Variants in HYAL4 observed in about 807,000 individuals in gnomAD.
HYAL4 encodes the protein hyaluronidase 4, also known as hyaluronidase-4.
A neutral mutation model predicts 35.2 loss-of-function variants in HYAL4; 37 were observed. The ratio of observed to expected loss-of-function variants is 1.05; its 90% CI spans 0.81 to 1.38. HYAL4 has a LOEUF of 1.38. HYAL4 is among the 40% of genes most tolerant of loss of function. The probability of loss-of-function intolerance (pLI) is 0.00; values close to 1 mark genes in which losing one functional copy is unlikely to be tolerated. For missense variants in HYAL4, 572 were observed against 572.4 expected (o/e 1.00, Z 0.01); for synonymous variants, 198 against 203.2 (o/e 0.97, Z 0.22).
At chr7:123,831,141 T>C (rs141230882) in intron 1 of HYAL4, among the ~76,000 whole-genome samples, 203 of 152,328 alleles carry the variant, frequency 1.3e-3, no homozygotes, top group Non-Finnish European at 2.3e-3. Flanking sequence ...AGTGGCATTG[T>C]TGTGGTACTG....
At chr7:123,793,282 C>T in the HYAL4 span, among the ~76,000 whole-genome samples, 1 of 152,146 alleles carries the variant, frequency 6.6e-6, no homozygotes, top group African/African-American at 2.4e-5. Context: ...GCCTTCTTTG[C>T]TTAAGAACAA....
the HYAL4 span, among the ~76,000 whole-genome samples, chr7:123,806,580 A>G: frequency 4.6e-5 from 7 of 151,298 alleles, no homozygotes; most frequent in Non-Finnish European, 8.8e-5. Context: ...AGTAGCTGGG[A>G]TTACAAGCAT....
Position 123,869,844 on chromosome 7 carries a change from C to G in HYAL4, c.954+617C>G, listed in dbSNP as rs550476883. Among the ~76,000 whole-genome samples, 94 of 148,482 alleles carry G rather than the reference C, an allele frequency of 6.3e-4. 1 individual carries two copies. The highest frequency in any genetic ancestry group is 2.0e-3 in the African/African-American group (82 of 40,600). On this transcript the variant is annotated intron_variant, in intron 3 of 4. Coordinates refer to ENST00000223026, the MANE Select transcript of HYAL4 (RefSeq NM_012269.3). Reference sequence around the variant, plus strand: ...CTGGGTTTACAGGTGCTCACCCCCCCCCACCCAGCTAATTTTTGTACTTTT... The same window carrying G: ...CTGGGTTTACAGGTGCTCACCCCCCGCCACCCAGCTAATTTTTGTACTTTT...
the HYAL4 span, among the ~76,000 whole-genome samples, chr7:123,811,581 T>G: frequency 6.6e-6 from 1 of 152,252 alleles, no homozygotes; most frequent in Non-Finnish European, 1.5e-5. Flanking sequence ...TAGATAACAC[T>G]TCTTTGTTAG....
chr7:123,837,683 C>T (rs891347332), intron 1 of HYAL4, among the ~76,000 whole-genome samples: 3 of 128,132 alleles, frequency 2.3e-5, no homozygotes, highest in East Asian at 2.9e-4. Context: ...CCCCTCCCCC[C>T]ACCCCACAAC....
rs1406560203 is a variant in HYAL4 at position 123,869,226 on chromosome 7, AG to A, written c.954+1del. The A allele has an allele frequency of 1.9e-6, 3 of 1,577,662 alleles. No homozygotes were observed. In the African/African-American group the frequency reaches 4.1e-5, roughly 21 times the overall value. ...GATGAACCTTTATTTTTCCTTTCTA[AG>A]GTAAGAAGCTTCTTGTCCAATGGTG... ...YRDEPLFFLSKQDLVSTIGES... is the reference protein window; with the variant it reads ...YRDEPLFFLSXQDLVSTIGES... On this transcript the variant is annotated frameshift_variant and splice_region_variant, in exon 3 of 5. Coordinates refer to ENST00000223026, the MANE Select transcript of HYAL4 (RefSeq NM_012269.3). LOFTEE classifies it high-confidence loss of function.
the HYAL4 span, among the ~76,000 whole-genome samples, chr7:123,800,467 C>A: frequency 7.0e-6 from 1 of 143,486 alleles, no homozygotes; most frequent in East Asian, 2.0e-4. Context: ...CCGTGCCCGG[C>A]CTGAAAATTA....
intron 2 of HYAL4, among the ~76,000 whole-genome samples, chr7:123,853,782 G>A (rs968636184): frequency 4.6e-5 from 7 of 152,158 alleles, no homozygotes; most frequent in African/African-American, 1.4e-4. Flanking sequence ...CTATGGTTTG[G>A]AATAATTTCT....
chr7:123,825,342 A>G (rs1476914283), upstream of HYAL4, among the ~76,000 whole-genome samples: 3 of 152,128 alleles, frequency 2.0e-5, no homozygotes, highest in African/African-American at 7.2e-5. Flanking sequence ...CTTTAAATAC[A>G]GATCATCTTT....
chr7:123,808,449 G>GTA, the HYAL4 span, among the ~76,000 whole-genome samples: 33 of 151,592 alleles, frequency 2.2e-4, no homozygotes, highest in Non-Finnish European at 4.3e-4. Flanking sequence ...GTGTGTGTGT[G>GTA]TGTGTGTGTG....
At chr7:123,823,943 A>T in the HYAL4 span, among the ~76,000 whole-genome samples, 6 of 152,032 alleles carry the variant, frequency 3.9e-5, no homozygotes, top group Admixed American at 3.3e-4. Flanking sequence ...GCTCTTCCTC[A>T]CTTCCAGGCA....
Position 123,845,684 on chromosome 7 carries a change from T to A in HYAL4, c.-123T>A, listed in dbSNP as rs1471690692. On this transcript the variant is annotated splice_region_variant and 5_prime_UTR_variant, in exon 1 of 5. Coordinates refer to ENST00000223026, the MANE Select transcript of HYAL4 (RefSeq NM_012269.3). ...TTTCTTCTTGGTTTGGAGCCATTGC[T>A]GGTGAGCTAGTGTAATTTTTTGGGG... is the stretch of plus-strand genomic sequence containing the variant. 6.6e-6 allele frequency: 1 copy of A among 152,236 alleles called. No homozygotes were observed. Among genetic ancestry groups the A allele is most frequent in the Non-Finnish European group, 1.5e-5 (1 of 68,040 alleles). The allele number at this position is 152,236 out of a possible 1,614,324, so 9.4% of individuals were successfully genotyped here.
intron 2 of HYAL4, among the ~76,000 whole-genome samples, chr7:123,848,967 T>C (rs949764269): frequency 2.6e-5 from 4 of 152,098 alleles, no homozygotes; most frequent in Admixed American, 6.6e-5. Flanking sequence ...ATCTTAGTAA[T>C]TGGGGAGAGG....
chr7:123,778,030 A>G, the HYAL4 span, among the ~76,000 whole-genome samples: 1 of 152,192 alleles, frequency 6.6e-6, no homozygotes, highest in Non-Finnish European at 1.5e-5. Flanking sequence ...TTATTTTGAA[A>G]TAATTTTGTC....
At chr7:123,771,717 C>T in the HYAL4 span, among the ~76,000 whole-genome samples, 10 of 151,622 alleles carry the variant, frequency 6.6e-5, no homozygotes, top group Non-Finnish European at 1.5e-4. Flanking sequence ...CTAGGTTAAA[C>T]ATTATTTCTG....
chr7:123,776,365 A>C, the HYAL4 span, among the ~76,000 whole-genome samples: 2 of 152,056 alleles, frequency 1.3e-5, no homozygotes, highest in Non-Finnish European at 2.9e-5. Context: ...TCTTGTATTA[A>C]ATTATGGCCC....
chr7:123,810,191 A>G, the HYAL4 span, among the ~76,000 whole-genome samples: 1 of 152,274 alleles, frequency 6.6e-6, no homozygotes, highest in African/African-American at 2.4e-5. Flanking sequence ...AAGTGTGGGT[A>G]TCAGTGGCTG....
the HYAL4 span, among the ~76,000 whole-genome samples, chr7:123,818,407 C>A: frequency 6.6e-6 from 1 of 152,102 alleles, no homozygotes; most frequent in Non-Finnish European, 1.5e-5. Flanking sequence ...CATACTCATT[C>A]TCAAGAGTCT....
At chr7:123,829,531 G>T (rs1805849626) in intron 1 of HYAL4, among the ~76,000 whole-genome samples, 2 of 152,126 alleles carry the variant, frequency 1.3e-5, no homozygotes, top group Non-Finnish European at 2.9e-5. Context: ...ATTATTTACT[G>T]GGTGTTTACC....
Sources: allele counts gnomAD v4.1 joint callset (sites outside exome capture counted in the v4.1 genomes callset), GRCh38; gene constraint gnomAD v4.1.1; transcripts MANE v1.5; gene names NCBI Gene and HGNC (gene_info 2026-07-23, HGNC 2026-07-21).